SEL1L3: variants seen among roughly 807,000 people sequenced by gnomAD.
SEL1L3 encodes the protein protein sel-1 homolog 3.
Under a neutral mutation model 142.8 loss-of-function variants are expected in SEL1L3, and 76 were observed. The ratio of observed to expected loss-of-function variants is 0.53; its 90% CI spans 0.44 to 0.64. SEL1L3 has a LOEUF of 0.64. Among genes scored for constraint, SEL1L3 ranks in the 30% least tolerant of loss-of-function variants. The pLI is 0.00. For missense variants in SEL1L3, 1,262 were observed against 1,381.7 expected (o/e 0.91, Z 1.37); for synonymous variants, 504 against 519.6 (o/e 0.97, Z 0.41).
chr4:25,769,763 T>C (rs1022894353), intron 17 of SEL1L3, among the ~76,000 whole-genome samples: 10 of 152,024 alleles, frequency 6.6e-5, no homozygotes, highest in Admixed American at 6.6e-4. Flanking sequence ...CAAGGTCAAA[T>C]ATTGGACCAG....
the SEL1L3 span, among the ~76,000 whole-genome samples, chr4:25,716,896 G>A: frequency 6.6e-6 from 1 of 152,154 alleles, no homozygotes; most frequent in South Asian, 2.1e-4. Flanking sequence ...GGAGGCCAAG[G>A]CAGATGGATC....
chr4:25,735,403 A>G, the SEL1L3 span, among the ~76,000 whole-genome samples: 1 of 152,008 alleles, frequency 6.6e-6, no homozygotes, highest in African/African-American at 2.4e-5. Context: ...TTTATTCTTG[A>G]TATTGGGAAT....
At chr4:25,722,849 C>T in the SEL1L3 span, among the ~76,000 whole-genome samples, 4 of 151,922 alleles carry the variant, frequency 2.6e-5, no homozygotes, top group Non-Finnish European at 5.9e-5. Flanking sequence ...TATTGCAAAC[C>T]ATAAATAATA....
At chr4:25,756,406 A>T in intron 23 of SEL1L3, 1 of 985,134 alleles carries the variant, frequency 1.0e-6, no homozygotes, top group Non-Finnish European at 1.2e-6. Context: ...ATTTATTGAG[A>T]AGGTTTTATA....
At position 25,759,085 on chromosome 4, in the gene SEL1L3, A is replaced by G. The variant is rs1254525536; in HGVS notation, c.2956-17T>C. The G allele has an allele frequency of 1.9e-6, 3 of 1,611,582 alleles. No individual in the cohort carries two copies. Among genetic ancestry groups the G allele is most frequent in the East Asian group, 2.2e-5 (1 of 44,854 alleles). On this transcript the variant is annotated splice_polypyrimidine_tract_variant and intron_variant, in intron 20 of 23. Coordinates refer to ENST00000399878, the MANE Select transcript of SEL1L3 (RefSeq NM_015187.5). The stretch of plus-strand genomic sequence containing the variant: ...AAAAAATCCCTAAAAACAAGCCACA[A>G]ACCAAACTCATCAAATCCTTGAAAT...
chr4:25,716,584 A>G, the SEL1L3 span, among the ~76,000 whole-genome samples: 2 of 152,208 alleles, frequency 1.3e-5, no homozygotes, highest in African/African-American at 4.8e-5. Context: ...ATTAACAAAA[A>G]TCAACAAGAA....
intron 9 of SEL1L3, among the ~76,000 whole-genome samples, chr4:25,815,697 C>A (rs1308234020): frequency 6.6e-6 from 1 of 152,018 alleles, no homozygotes; most frequent in Non-Finnish European, 1.5e-5. Context: ...GGGCATGGGG[C>A]TTCGTCACCT....
downstream of SEL1L3, among the ~76,000 whole-genome samples, chr4:25,746,255 C>T (rs377176491): frequency 3.3e-5 from 5 of 152,018 alleles, no homozygotes; most frequent in East Asian, 5.8e-4. Flanking sequence ...CGGTGACTCA[C>T]GCCTATAATC....
intron 17 of SEL1L3, among the ~76,000 whole-genome samples, chr4:25,771,779 T>A (rs1435342827): frequency 6.6e-6 from 1 of 152,198 alleles, no homozygotes. Context: ...AAAACACATG[T>A]AGGGGTAAGG....
intron 2 of SEL1L3, among the ~76,000 whole-genome samples, chr4:25,843,561 C>T (rs1030848941): frequency 1.3e-5 from 2 of 152,208 alleles, no homozygotes; most frequent in Non-Finnish European, 2.9e-5. Context: ...GTCAGGCACA[C>T]ATGTGATTTG....
At chr4:25,784,021 C>T (rs1389531512) in intron 14 of SEL1L3, among the ~76,000 whole-genome samples, 1 of 152,132 alleles carries the variant, frequency 6.6e-6, no homozygotes. Flanking sequence ...TTTGCTGCCC[C>T]CATTGTGGCA....
At chr4:25,722,633 T>C in the SEL1L3 span, among the ~76,000 whole-genome samples, 6 of 150,188 alleles carry the variant, frequency 4.0e-5, no homozygotes, top group Admixed American at 2.0e-4. Flanking sequence ...GCTTTTTTTT[T>C]TTTTTTAGAG....
chr4:25,779,632 A>T (rs1308178268), intron 15 of SEL1L3, among the ~76,000 whole-genome samples: 1 of 152,242 alleles, frequency 6.6e-6, no homozygotes, highest in Non-Finnish European at 1.5e-5. Flanking sequence ...AGAATGTGAC[A>T]ATAAGAAATC....
At chr4:25,842,877 A>G (rs1212434064) in intron 2 of SEL1L3, among the ~76,000 whole-genome samples, 1 of 152,248 alleles carries the variant, frequency 6.6e-6, no homozygotes, top group Non-Finnish European at 1.5e-5. Context: ...AGTGGTGATC[A>G]GGCCAGGAAG....
chr4:25,812,476 T>C (rs1431909094), intron 9 of SEL1L3, among the ~76,000 whole-genome samples: 1 of 152,100 alleles, frequency 6.6e-6, no homozygotes, highest in Admixed American at 6.6e-5. Context: ...TCCTAGCACT[T>C]TGGGAGGCTG....
In SEL1L3 at chr4:25,776,284, C is replaced by A. The variant is rs1719617973; in HGVS notation, c.2662G>T (p.Gly888Cys). Residue 888 changes from glycine (G) to cysteine (C), a missense_variant, in exon 17 of 24, where the codon GGT (glycine) becomes TGT (cysteine). Around this residue, in one of 3 missense-constraint regions of SEL1L3, gnomAD observed 435 missense variants for 559.2 expected, o/e 0.78. Transcript: ENST00000399878. ...CGTGGATCCCAAGCTTACCATGAAC[C>A]TTCCAGGTAGGCATTGAGGCCTTTG... ...IRKGLNAYLE[G>C]SWHEALLYYV... is the part of the protein sequence containing the mutation. The A allele has an allele frequency of 6.2e-7, 1 of 1,610,568 alleles. No homozygotes were observed. The highest frequency in any genetic ancestry group is 1.7e-5 in the Admixed American group (1 of 59,946).
chr4:25,830,525 G>T (rs931160805), intron 5 of SEL1L3, among the ~76,000 whole-genome samples: 8 of 152,174 alleles, frequency 5.3e-5, no homozygotes, highest in Non-Finnish European at 1.2e-4. Context: ...GATTCCATCA[G>T]AGCCTTAGGG....
At chr4:25,746,144 C>T (rs1685107426), downstream of SEL1L3, among the ~76,000 whole-genome samples, 1 of 152,080 alleles carries the variant, frequency 6.6e-6, no homozygotes, top group South Asian at 2.1e-4. Context: ...CCTGTTGATG[C>T]TGTCCTCATG....
chr4:25,755,074 A>G (rs1180255417), intron 23 of SEL1L3, among the ~76,000 whole-genome samples: 1 of 151,842 alleles, frequency 6.6e-6, no homozygotes, highest in African/African-American at 2.4e-5. Context: ...TCTATTCTTA[A>G]TCTTTTTTTT....
Sources: gnomAD v4.1 joint callset for allele counts (sites outside exome capture counted in the v4.1 genomes callset) on GRCh38, gnomAD v4.1.1 for gene constraint, gnomAD v4.1.1 regional missense constraint, MANE v1.5 for transcripts, NCBI Gene and HGNC (gene_info 2026-07-23, HGNC 2026-07-21) for gene names.